NOL4: variants seen among roughly 807,000 people sequenced by gnomAD.
NOL4 encodes nucleolar protein 4, also known as cancer/testis antigen 125.
A neutral mutation model predicts 75.9 loss-of-function variants in NOL4; 17 were observed. The ratio of observed to expected loss-of-function variants is 0.22; its 90% CI spans 0.15 to 0.34. NOL4 has a LOEUF of 0.34. Among genes scored for constraint, NOL4 ranks in the 10% least tolerant of loss-of-function variants. The pLI is 1.00. For synonymous variants in NOL4, 292 were observed against 289.9 expected (o/e 1.01, Z -0.07); for missense variants, 614 against 793.5 (o/e 0.77, Z 2.72).
In NOL4 at chr18:34,223,978, A is replaced by T. The variant is rs1487097179; in HGVS notation, c.-725T>A. 1 of 152,284 alleles carries T rather than the reference A, an allele frequency of 6.6e-6. No individual in the cohort carries two copies. Among genetic ancestry groups the T allele is most frequent in the Non-Finnish European group, 1.5e-5 (1 of 68,054 alleles). The allele number at this position is 152,284 out of a possible 1,614,324, so 9.4% of individuals were successfully genotyped here. A position where few individuals can be genotyped will look rare whatever the true frequency, so the allele number is the denominator to read the frequency against. Reference sequence around the variant, plus strand: ...ATCAAGATATTTTTTAAAACGGTTTAAAATGTCATTTCTTCAGATGCATTT... The same window carrying T: ...ATCAAGATATTTTTTAAAACGGTTTTAAATGTCATTTCTTCAGATGCATTT... On this transcript the variant is annotated 5_prime_UTR_variant, in exon 1 of 11. It removes the in-frame stop codon of an upstream open reading frame in the 5' UTR. Transcript: ENST00000261592.
chr18:34,055,306 G>A (rs777792466), intron 5 of NOL4, among the ~76,000 whole-genome samples: 4 of 151,994 alleles, frequency 2.6e-5, no homozygotes, highest in Non-Finnish European at 4.4e-5. Context: ...AGATCTAGTA[G>A]AATGAACTTC....
At chr18:34,017,767 T>TA (rs1478793771) in intron 6 of NOL4, among the ~76,000 whole-genome samples, 1 of 152,168 alleles carries the variant, frequency 6.6e-6, no homozygotes, top group Non-Finnish European at 1.5e-5. Context: ...TTTCATACAT[T>TA]ACACCCTTCT....
chr18:33,918,449 T>C (rs139426673), intron 9 of NOL4, among the ~76,000 whole-genome samples: 1 of 152,246 alleles, frequency 6.6e-6, no homozygotes, highest in African/African-American at 2.4e-5. Context: ...TTATTTATAA[T>C]ATAGCAAGTA....
intron 1 of NOL4, among the ~76,000 whole-genome samples, chr18:34,142,667 A>G (rs1211462497): frequency 6.6e-6 from 1 of 151,920 alleles, no homozygotes; most frequent in Non-Finnish European, 1.5e-5. Context: ...AACATCACAC[A>G]CTGGGGCCTG....
At chr18:33,889,033 G>A (rs532350121) in intron 9 of NOL4, among the ~76,000 whole-genome samples, 6 of 151,944 alleles carry the variant, frequency 3.9e-5, no homozygotes, top group Non-Finnish European at 8.8e-5. Context: ...CAGAAATGAA[G>A]GAGATAGAGA....
chr18:34,149,652 T>C (rs1464901219), intron 1 of NOL4, among the ~76,000 whole-genome samples: 1 of 151,672 alleles, frequency 6.6e-6, no homozygotes, highest in Non-Finnish European at 1.5e-5. Context: ...TCCCATTGCA[T>C]GATGAAGCCA....
chr18:33,857,450 T>TA (rs1254770964), intron 10 of NOL4, among the ~76,000 whole-genome samples: 1 of 152,050 alleles, frequency 6.6e-6, no homozygotes, highest in Non-Finnish European at 1.5e-5. Flanking sequence ...AGTATTGTTT[T>TA]ATCTTGTAAT....
chr18:34,145,327 T>C (rs560880825), intron 1 of NOL4, among the ~76,000 whole-genome samples: 1 of 152,020 alleles, frequency 6.6e-6, no homozygotes, highest in Admixed American at 6.6e-5. Flanking sequence ...GATATTCTAA[T>C]GGGCAAAATC....
intron 5 of NOL4, among the ~76,000 whole-genome samples, chr18:34,087,956 T>G (rs1461093954): frequency 6.6e-6 from 1 of 151,998 alleles, no homozygotes; most frequent in Non-Finnish European, 1.5e-5. Flanking sequence ...ACAGAGAATT[T>G]AAGGGTATGC....
At chr18:34,092,184 T>C (rs1404619532) in intron 5 of NOL4, among the ~76,000 whole-genome samples, 2 of 151,976 alleles carry the variant, frequency 1.3e-5, no homozygotes, top group Non-Finnish European at 2.9e-5. Context: ...TACTATACAA[T>C]GGCCATTAAA....
At chr18:34,047,422 A>G (rs2076430838) in intron 5 of NOL4, among the ~76,000 whole-genome samples, 1 of 152,112 alleles carries the variant, frequency 6.6e-6, no homozygotes, top group East Asian at 1.9e-4. Context: ...CAATTAAAAA[A>G]CATCATGTAT....
At chr18:33,874,255 G>T (rs186656358) in intron 10 of NOL4, among the ~76,000 whole-genome samples, 9 of 151,954 alleles carry the variant, frequency 5.9e-5, no homozygotes, top group East Asian at 1.9e-4. Context: ...GAGTACAAAA[G>T]AAATTCTAGA....
At chr18:33,892,265 C>CA (rs1214570312) in intron 9 of NOL4, among the ~76,000 whole-genome samples, 4 of 151,812 alleles carry the variant, frequency 2.6e-5, no homozygotes, top group Non-Finnish European at 5.9e-5. Flanking sequence ...CCTGTCTCTA[C>CA]AAAAAAATTT....
intron 6 of NOL4, among the ~76,000 whole-genome samples, chr18:33,982,499 C>T (rs1355451097): frequency 6.6e-6 from 1 of 152,032 alleles, no homozygotes; most frequent in East Asian, 1.9e-4. Flanking sequence ...GGTCAATTCT[C>T]CAAGAAGACA....
At chr18:34,181,679 C>T (rs933229991) in intron 1 of NOL4, among the ~76,000 whole-genome samples, 28 of 151,318 alleles carry the variant, frequency 1.9e-4, no homozygotes, top group African/African-American at 6.8e-4. Flanking sequence ...TGAGAAGGGT[C>T]TAATTCTAGA....
intron 9 of NOL4, among the ~76,000 whole-genome samples, chr18:33,892,703 G>T (rs931870014): frequency 2.0e-5 from 3 of 151,582 alleles, no homozygotes; most frequent in African/African-American, 7.3e-5. Flanking sequence ...TGTCACCCAG[G>T]CTGGAGTGCA....
intron 9 of NOL4, among the ~76,000 whole-genome samples, chr18:33,890,253 A>T (rs561852515): frequency 2.6e-5 from 4 of 152,098 alleles, no homozygotes; most frequent in African/African-American, 9.6e-5. Context: ...TAGCCAAATC[A>T]TGAGTGAACT....
chr18:34,162,460 C>T (rs1437332804), intron 1 of NOL4, among the ~76,000 whole-genome samples: 24 of 152,122 alleles, frequency 1.6e-4, no homozygotes, highest in Non-Finnish European at 8.8e-5. Context: ...CTACAAACAC[C>T]TCTACGCAAA....
chr18:34,181,392 T>C (rs952587338), intron 1 of NOL4, among the ~76,000 whole-genome samples: 1 of 151,510 alleles, frequency 6.6e-6, no homozygotes, highest in African/African-American at 2.4e-5. Context: ...TTTGAATACC[T>C]ATGTCATATC....
Sources: gnomAD v4.1 joint callset for allele counts (sites outside exome capture counted in the v4.1 genomes callset) on GRCh38, gnomAD v4.1.1 for gene constraint, MANE v1.5 for transcripts, NCBI Gene and HGNC (gene_info 2026-07-23, HGNC 2026-07-21) for gene names.